KTN1: variants seen among roughly 807,000 people sequenced by gnomAD.
KTN1 encodes kinectin 1.
In KTN1, 130 loss-of-function variants were observed where a neutral mutation model predicts 222.5. The observed-to-expected ratio is 0.58, with a 90% CI of 0.51 to 0.68. KTN1 has a LOEUF of 0.68. Among genes scored for constraint, KTN1 ranks in the 30% least tolerant of loss-of-function variants. The pLI is 0.00. For synonymous variants in KTN1, 512 were observed against 496.3 expected (o/e 1.03, Z -0.42); for missense variants, 1,508 against 1,500.4 (o/e 1.01, Z -0.08).
intron 7 of KTN1, among the ~76,000 whole-genome samples, chr14:55,630,692 T>C (rs535199505): frequency 2.0e-4 from 30 of 152,314 alleles, no homozygotes; most frequent in African/African-American, 7.2e-4. Context: ...TAAAGGGCCT[T>C]GTATACCTGA....
intron 8 of KTN1, among the ~76,000 whole-genome samples, chr14:55,633,582 ATATC>A (rs1175564979): frequency 1.3e-5 from 2 of 151,424 alleles, no homozygotes; most frequent in African/African-American, 4.8e-5. Context: ...ACATTAATAT[ATATC>A]ATATATTACA....
intron 18 of KTN1, among the ~76,000 whole-genome samples, chr14:55,646,488 T>TTC (rs1307705269): frequency 0.012 from 1,121 of 96,388 alleles, 65 homozygotes; most frequent in Admixed American, 0.036. Flanking sequence ...TCCTTTCCTT[T>TTC]CCTTTCCTTT....
At chr14:55,646,452 CCTTTTCCTTTTCCTTTCCTTT>C (rs2042302414) in intron 18 of KTN1, among the ~76,000 whole-genome samples, 1 of 72,620 alleles carries the variant, frequency 1.4e-5, no homozygotes, top group African/African-American at 4.9e-5. Flanking sequence ...TTTTCCTTTT[CCTTTTCCTTTTCCTTTCCTTT>C]CCTTTCCTTT....
intron 25 of KTN1, among the ~76,000 whole-genome samples, chr14:55,652,548 A>G (rs1034089043): frequency 1.4e-4 from 22 of 151,896 alleles, no homozygotes; most frequent in African/African-American, 5.1e-4. Flanking sequence ...ACAGGCGCGT[A>G]CCACCACGCC....
chr14:55,681,816 T>G (rs2046394022), intron 43 of KTN1: 1 of 152,182 alleles, frequency 6.6e-6, no homozygotes, highest in Admixed American at 6.5e-5. Context: ...TAATTCTTCC[T>G]TGTGTACTTA....
At chr14:55,588,686 A>T (rs2033524794) in intron 1 of KTN1, among the ~76,000 whole-genome samples, 1 of 152,188 alleles carries the variant, frequency 6.6e-6, no homozygotes, top group Non-Finnish European at 1.5e-5. Flanking sequence ...AATTTTATGC[A>T]GTTGTGATTT....
At chr14:55,655,712 C>G (rs943277263) in intron 28 of KTN1, among the ~76,000 whole-genome samples, 2 of 152,148 alleles carry the variant, frequency 1.3e-5, no homozygotes, top group Non-Finnish European at 2.9e-5. Context: ...CCAGGGTCAA[C>G]AAATTATGAC....
chr14:55,634,605 C>T lies in KTN1; in HGVS notation c.1408C>T (p.Gln470Ter), dbSNP rs2040900199. 6.2e-7 allele frequency: 1 copy of T among 1,613,748 alleles called. No individual in the cohort carries two copies. The highest frequency in any genetic ancestry group is 8.5e-7 in the Non-Finnish European group (1 of 1,179,746). ...NELTEKTGKL[Q>*]QEEVQKKNAE... ...GCTGACTGAGAAAACAGGAAAGCTACAGCAAGAGGAAGTCCAAAAGAAGAA... is the reference window on the plus strand; with the variant it reads ...GCTGACTGAGAAAACAGGAAAGCTATAGCAAGAGGAAGTCCAAAAGAAGAA... Residue 470 changes from glutamine (Q) to a stop codon, truncating the protein, a stop_gained, in exon 9 of 44, where the codon CAG (glutamine) becomes TAG (stop). Coordinates refer to ENST00000395314, the MANE Select transcript of KTN1 (RefSeq NM_001079521.2). LOFTEE classifies it high-confidence loss of function.
chr14:55,619,310 A>G lies in KTN1; in HGVS notation c.961A>G (p.Lys321Glu). 1 of 1,613,158 alleles carries G rather than the reference A, an allele frequency of 6.2e-7. No individual in the cohort carries two copies. The highest frequency in any genetic ancestry group is 8.5e-7 in the Non-Finnish European group (1 of 1,179,690). ...KSGVIQDALK[K>E]SSKGELTTLI... ...TGGTGTAATACAAGATGCTTTAAAG[A>G]AGGTAAGCGTGTTTTTTGATTATGG... Residue 321 changes from lysine (K) to glutamate (E), a missense_variant and splice_region_variant, in exon 5 of 44, where the codon AAG (lysine) becomes GAG (glutamate). Lys to Glu is a moderately conservative substitution (Grantham distance 56, BLOSUM62 1). Transcript: ENST00000395314.
intron 1 of KTN1, among the ~76,000 whole-genome samples, chr14:55,608,681 T>C (rs927178334): frequency 1.4e-4 from 21 of 151,506 alleles, no homozygotes; most frequent in Admixed American, 1.2e-3. Context: ...TGGAGTGCAG[T>C]GGCGCGATCT....
At chr14:55,622,326 G>T (rs548487186) in intron 5 of KTN1, among the ~76,000 whole-genome samples, 190 of 152,186 alleles carry the variant, frequency 1.2e-3, no homozygotes, top group African/African-American at 4.4e-3. Context: ...GGGGATGTGT[G>T]TGTTGTGTTT....
chr14:55,614,806 T>G (rs1287784642), intron 2 of KTN1, among the ~76,000 whole-genome samples: 1 of 152,220 alleles, frequency 6.6e-6, no homozygotes, highest in African/African-American at 2.4e-5. Context: ...AGAAAAAGTT[T>G]GCCAACTTGT....
intron 1 of KTN1, 39 bp from the exon 2 acceptor site, chr14:55,611,980 T>TAG: frequency 1.1e-6 from 1 of 901,682 alleles, no homozygotes; most frequent in African/African-American, 1.7e-5. Context: ...ACTGACAGGT[T>TAG]CTTTTTTTTT....
intron 40 of KTN1, chr14:55,674,678 T>C (rs1175136096): frequency 6.6e-6 from 1 of 152,164 alleles, no homozygotes; most frequent in Non-Finnish European, 1.5e-5. Context: ...AGTGGCTGAC[T>C]CAACAGTTAC....
chr14:55,594,048 G>A (rs961228353), intron 1 of KTN1, among the ~76,000 whole-genome samples: 3 of 152,064 alleles, frequency 2.0e-5, no homozygotes, highest in African/African-American at 7.2e-5. Flanking sequence ...CCAGTACGAT[G>A]TTTATCTTAG....
rs912660068 is a variant in KTN1 at position 55,676,558 on chromosome 14, C to T, written c.3855+640C>T. Among the ~76,000 whole-genome samples the T allele has an allele frequency of 9.9e-5, 15 of 152,070 alleles. No individual in the cohort carries two copies. In the East Asian group the frequency reaches 1.9e-3, roughly 19 times the overall value. On this transcript the variant is annotated intron_variant, in intron 41 of 43. Coordinates refer to ENST00000395314, the MANE Select transcript of KTN1 (RefSeq NM_001079521.2). ...TTTGGAATTGCAAGAACAAGAGGTA[C>T]GCACTTAAATTTTGATAGTATAAAA...
At chr14:55,605,687 T>G (rs1246140695) in intron 1 of KTN1, among the ~76,000 whole-genome samples, 1 of 152,224 alleles carries the variant, frequency 6.6e-6, no homozygotes, top group Non-Finnish European at 1.5e-5. Context: ...GCCTTCCATT[T>G]TACTGCCTCA....
At chr14:55,600,127 T>C (rs1396084805) in intron 1 of KTN1, among the ~76,000 whole-genome samples, 3 of 150,356 alleles carry the variant, frequency 2.0e-5, no homozygotes, top group Non-Finnish European at 4.5e-5. Flanking sequence ...CTTCTGGGGA[T>C]AAGCAAGAAT....
intron 19 of KTN1, among the ~76,000 whole-genome samples, chr14:55,647,305 G>A (rs1393769792): frequency 1.3e-5 from 2 of 152,090 alleles, no homozygotes; most frequent in East Asian, 3.9e-4. Context: ...AGAAATGATG[G>A]ACAAAAGAGT....
Sources: allele counts gnomAD v4.1 joint callset (sites outside exome capture counted in the v4.1 genomes callset), GRCh38; gene constraint gnomAD v4.1.1; transcripts MANE v1.5; gene names NCBI Gene and HGNC (gene_info 2026-07-23, HGNC 2026-07-21).